Variants in CSTPP1 observed in about 807,000 individuals in gnomAD.
CSTPP1 encodes UPF0705 protein C11orf49.
the CSTPP1 span, among the ~76,000 whole-genome samples, chr11:47,031,729 TA>T: frequency 3.4e-5 from 5 of 148,764 alleles, no homozygotes; most frequent in Admixed American, 2.7e-4. Context: ...AGAGATCTCT[TA>T]AAAAAAAATT....
chr11:47,031,508 A>G, the CSTPP1 span, among the ~76,000 whole-genome samples: 3 of 152,120 alleles, frequency 2.0e-5, no homozygotes, highest in Non-Finnish European at 4.4e-5. Flanking sequence ...CCTGGGCAAC[A>G]TAACGAGACT....
At chr11:47,120,333 A>G in the CSTPP1 span, among the ~76,000 whole-genome samples, 5 of 152,128 alleles carry the variant, frequency 3.3e-5, no homozygotes. The surrounding 1 kb of genome is among the most constrained non-coding windows in gnomAD (Gnocchi z 4.2). Context: ...CCTACCCTCA[A>G]GACTTGGTCT....
chr11:47,107,502 A>G, the CSTPP1 span, among the ~76,000 whole-genome samples: 1 of 151,888 alleles, frequency 6.6e-6, no homozygotes, highest in African/African-American at 2.4e-5. Flanking sequence ...AGCTACCTGA[A>G]CCTAATGAAT....
chr11:47,075,231 G>A, the CSTPP1 span, among the ~76,000 whole-genome samples: 1 of 152,048 alleles, frequency 6.6e-6, no homozygotes, highest in Non-Finnish European at 1.5e-5. Context: ...AATTAGCCAG[G>A]TGTGATGGCA....
the CSTPP1 span, among the ~76,000 whole-genome samples, chr11:47,039,048 A>C: frequency 2.1e-4 from 25 of 121,002 alleles, no homozygotes; most frequent in Non-Finnish European, 4.0e-4. Flanking sequence ...GACGCTCCTC[A>C]CTTTCCAGAC....
the CSTPP1 span, among the ~76,000 whole-genome samples, chr11:46,988,696 A>C: frequency 6.6e-6 from 1 of 152,156 alleles, no homozygotes; most frequent in Non-Finnish European, 1.5e-5. Context: ...TTAATTGTTC[A>C]TTTTAAAATA....
the CSTPP1 span, among the ~76,000 whole-genome samples, chr11:47,066,098 T>TA: frequency 8.8e-3 from 162 of 18,402 alleles, no homozygotes; most frequent in Non-Finnish European, 0.016. Context: ...TGTGGGTTTT[T>TA]TTTTTTTTTT....
At chr11:47,003,159 G>A in the CSTPP1 span, among the ~76,000 whole-genome samples, 1 of 152,184 alleles carries the variant, frequency 6.6e-6, no homozygotes, top group African/African-American at 2.4e-5. Context: ...AGAAGAATAA[G>A]AAGTTTAAAA....
At chr11:47,094,189 G>A in the CSTPP1 span, among the ~76,000 whole-genome samples, 1 of 152,092 alleles carries the variant, frequency 6.6e-6, no homozygotes, top group Non-Finnish European at 1.5e-5. Context: ...TAATAAAGCA[G>A]GTACTAGACA....
chr11:47,058,417 A>C, the CSTPP1 span, among the ~76,000 whole-genome samples: 1 of 152,184 alleles, frequency 6.6e-6, no homozygotes, highest in African/African-American at 2.4e-5. Context: ...AATCAATAGA[A>C]ACACAGATCC....
chr11:47,150,758 T>C, the CSTPP1 span, among the ~76,000 whole-genome samples: 1 of 140,740 alleles, frequency 7.1e-6, no homozygotes, highest in East Asian at 2.1e-4. Flanking sequence ...TCAGGGAGGA[T>C]GGAAGGACTA....
At chr11:46,982,226 A>C in the CSTPP1 span, among the ~76,000 whole-genome samples, 1 of 152,042 alleles carries the variant, frequency 6.6e-6, no homozygotes, top group African/African-American at 2.4e-5. Context: ...AATATGTCTC[A>C]AAAGGAAGAA....
chr11:46,998,757 A>G, the CSTPP1 span, among the ~76,000 whole-genome samples: 2 of 151,654 alleles, frequency 1.3e-5, no homozygotes, highest in Admixed American at 1.3e-4. Flanking sequence ...GTTTTTTGAG[A>G]TGGAGTCTTG....
the CSTPP1 span, among the ~76,000 whole-genome samples, chr11:46,973,796 GTGTC>G: frequency 1.5e-5 from 2 of 131,592 alleles, no homozygotes; most frequent in South Asian, 2.6e-4. Flanking sequence ...GTGTGTGTGT[GTGTC>G]TGTGTGTGTC....
At chr11:46,968,696 C>T in the CSTPP1 span, among the ~76,000 whole-genome samples, 1 of 151,608 alleles carries the variant, frequency 6.6e-6, no homozygotes, top group Non-Finnish European at 1.5e-5. Flanking sequence ...GTCAGGAGTT[C>T]GAGACCAGCC....
chr11:47,072,767 A>G, the CSTPP1 span, among the ~76,000 whole-genome samples: 1 of 152,242 alleles, frequency 6.6e-6, no homozygotes, highest in East Asian at 1.9e-4. Context: ...TCTGAAAAAT[A>G]TATAATTTCA....
chr11:47,042,708 G>A, the CSTPP1 span, among the ~76,000 whole-genome samples: 2 of 152,134 alleles, frequency 1.3e-5, no homozygotes, highest in Non-Finnish European at 1.5e-5. Flanking sequence ...GGCAAAATCT[G>A]TTTATGGCAG....
the CSTPP1 span, among the ~76,000 whole-genome samples, chr11:46,969,160 T>C: frequency 5.9e-5 from 9 of 152,208 alleles, no homozygotes; most frequent in Admixed American, 5.2e-4. Context: ...GGCCTTGTTC[T>C]ACCTGGCTCA....
At chr11:47,056,962 C>T in the CSTPP1 span, among the ~76,000 whole-genome samples, 1 of 152,124 alleles carries the variant, frequency 6.6e-6, no homozygotes, top group South Asian at 2.1e-4. Flanking sequence ...AAAACAAGAG[C>T]ATAACATATC....
Sources: gnomAD v4.1 joint callset for allele counts (sites outside exome capture counted in the v4.1 genomes callset) on GRCh38, gnomAD v4.1.1 for gene constraint, Gnocchi (gnomAD v3.1) non-coding constraint, MANE v1.5 for transcripts, NCBI Gene and HGNC (gene_info 2026-07-23, HGNC 2026-07-21) for gene names.